The following SLC45A4 variants were observed in gnomAD, a reference collection of about 807,000 sequenced individuals.
The protein encoded by SLC45A4 is solute carrier family 45 member 4.
In SLC45A4, 32 loss-of-function variants were observed where a neutral mutation model predicts 63.7. That is an observed-to-expected ratio of 0.50 (90% CI 0.38 to 0.67). The LOEUF (loss-of-function observed/expected upper bound fraction) is 0.67, where lower values mean the gene tolerates loss of function less well. Ranked by LOEUF, SLC45A4 falls within the 30% of genes least tolerant of loss-of-function variation. The probability of loss-of-function intolerance (pLI) is 0.00; values close to 1 mark genes in which losing one functional copy is unlikely to be tolerated. For synonymous variants in SLC45A4, 535 were observed against 510.0 expected, an observed-to-expected ratio of 1.05 and a Z score of -0.66; for missense variants, 1,027 against 1,157.7, an observed-to-expected ratio of 0.89 and a Z score of 1.64.
intron 1 of SLC45A4, among the ~76,000 whole-genome samples, chr8:141,259,868 G>A (rs1828977326): frequency 1.3e-5 from 2 of 152,316 alleles, no homozygotes; most frequent in South Asian, 4.1e-4. Context: ...TTTGTTAAAT[G>A]AACAAATGAA....
rs1009107689 is a variant in SLC45A4, at chr8:141,254,802, T to C, written c.-400-173A>G. 1.7e-5 allele frequency: 10 copies of C among 586,828 alleles called. No homozygotes were observed. The highest frequency in any genetic ancestry group is 3.2e-5 in the Non-Finnish European group (10 of 313,076). The allele number at this position is 586,828 out of a possible 1,614,324, so 36.4% of individuals were successfully genotyped here. A position where few individuals can be genotyped will look rare whatever the true frequency, so the allele number is the denominator to read the frequency against. ...TCTGTGCAAATAACCAAACCTACTT[T>C]CTAGAAAAACATTTTCTCATACGAA... is the stretch of plus-strand genomic sequence containing the variant. On this transcript the variant is annotated intron_variant, in intron 1 of 8. Transcript: ENST00000517878. This position sits in a 1 kb window ranked among gnomAD's most constrained non-coding sequence, Gnocchi z 4.5.
chr8:141,296,246 G>A lies in SLC45A4; in HGVS notation c.-401+11850C>T, dbSNP rs149485912. On this transcript the variant is annotated intron_variant, in intron 1 of 8. Transcript: ENST00000517878. ...CTCAGGAGGCTGAGGCACGAGAATC[G>A]CTTCAATCCAGGAGGCAGAGGTTGC... is the stretch of plus-strand genomic sequence containing the variant. Among the ~76,000 whole-genome samples the A allele has an allele frequency of 3.4e-3, 513 of 152,126 alleles. 3 individuals are homozygous for A. The highest frequency in any genetic ancestry group is 0.012 in the African/African-American group (485 of 41,520).
In SLC45A4 at chr8:141,266,171, A is replaced by G. The variant is rs112855498; in HGVS notation, c.-400-11542T>C. ...AGCCATGCTTCCTGGGAAGCGGTCT[A>G]GCGAGTCCGGACAACACGCGTCCGC... On this transcript the variant is annotated intron_variant, in intron 1 of 8. Coordinates refer to ENST00000517878, the MANE Select transcript of SLC45A4 (RefSeq NM_001286646.2). Among the ~76,000 whole-genome samples the G allele has an allele frequency of 2.6e-5, 4 of 152,346 alleles. 1 individual carries two copies. The highest frequency in any genetic ancestry group is 9.6e-5 in the African/African-American group (4 of 41,586).
chr8:141,296,912 C>T (rs1480183041), intron 1 of SLC45A4, among the ~76,000 whole-genome samples: 2 of 147,980 alleles, frequency 1.4e-5, no homozygotes, highest in Non-Finnish European at 3.0e-5. Flanking sequence ...CAAGAAGGGG[C>T]GATGTTTGAA....
chr8:141,293,770 T>C (rs1480404978), intron 1 of SLC45A4, among the ~76,000 whole-genome samples: 1 of 151,742 alleles, frequency 6.6e-6, no homozygotes, highest in Non-Finnish European at 1.5e-5. Context: ...CCGTCTCTAC[T>C]AAAAGTACAA....
At chr8:141,233,674 G>A (rs1202255822) in intron 2 of SLC45A4, among the ~76,000 whole-genome samples, 1 of 152,086 alleles carries the variant, frequency 6.6e-6, no homozygotes, top group Non-Finnish European at 1.5e-5. Context: ...GCAACAGAGT[G>A]AGACTGTCTC....
At chr8:141,234,949 C>T (rs1164826364) in intron 2 of SLC45A4, among the ~76,000 whole-genome samples, 1 of 152,194 alleles carries the variant, frequency 6.6e-6, no homozygotes, top group Non-Finnish European at 1.5e-5. Context: ...AATGTGTGTC[C>T]CCGCGCTGGT....
chr8:141,286,630 G>GC (rs1487648919), intron 1 of SLC45A4, among the ~76,000 whole-genome samples: 2 of 151,730 alleles, frequency 1.3e-5, no homozygotes, highest in Non-Finnish European at 2.9e-5. Context: ...TTCAGAGCCT[G>GC]CCCCCCAGAA....
intron 1 of SLC45A4, among the ~76,000 whole-genome samples, chr8:141,299,540 G>A (rs1589867039): frequency 1.3e-5 from 2 of 152,232 alleles, no homozygotes; most frequent in East Asian, 1.9e-4. Context: ...CAGAGCGGCC[G>A]TGGCCGCAGC....
At chr8:141,281,973 G>A (rs969066971) in intron 1 of SLC45A4, among the ~76,000 whole-genome samples, 4 of 151,970 alleles carry the variant, frequency 2.6e-5, no homozygotes, top group African/African-American at 9.7e-5. Context: ...CGAGCTGCAC[G>A]GCACCTTTCC....
chr8:141,239,972 G>A (rs1000359459), intron 2 of SLC45A4, among the ~76,000 whole-genome samples: 1 of 152,208 alleles, frequency 6.6e-6, no homozygotes, highest in Non-Finnish European at 1.5e-5. Context: ...TGTGAGGCAG[G>A]CTTTTCAAGA....
chr8:141,223,299 C>T (rs914046539), intron 2 of SLC45A4, among the ~76,000 whole-genome samples: 12 of 152,208 alleles, frequency 7.9e-5, no homozygotes, highest in African/African-American at 2.7e-4. Context: ...GTATGTGACG[C>T]GTGTCCGCTG....
At chr8:141,282,434 T>C (rs1311253055) in intron 1 of SLC45A4, among the ~76,000 whole-genome samples, 1 of 152,148 alleles carries the variant, frequency 6.6e-6, no homozygotes, top group African/African-American at 2.4e-5. Context: ...CGGCCCCGCC[T>C]CCACCAAACT....
chr8:141,211,807 A>G, intron 8 of SLC45A4, 110 bp from the exon 9 acceptor site: 3 of 1,336,374 alleles, frequency 2.2e-6, no homozygotes, highest in Non-Finnish European at 2.9e-6. Context: ...TTTCAATTAT[A>G]ATTTTAGAAA....
chr8:141,265,387 T>C (rs1829224742), intron 1 of SLC45A4, among the ~76,000 whole-genome samples: 1 of 151,598 alleles, frequency 6.6e-6, no homozygotes, highest in Non-Finnish European at 1.5e-5. Context: ...AAGGGAGGAG[T>C]GTGCAGGGAG....
At chr8:141,270,268 T>C (rs1829464082) in intron 1 of SLC45A4, among the ~76,000 whole-genome samples, 1 of 151,658 alleles carries the variant, frequency 6.6e-6, no homozygotes. Context: ...GGCTCACCAC[T>C]ATAATCCTAG....
chr8:141,305,593 G>A (rs1478846785), intron 1 of SLC45A4, among the ~76,000 whole-genome samples: 1 of 152,176 alleles, frequency 6.6e-6, no homozygotes, highest in Non-Finnish European at 1.5e-5. Context: ...GAAGGGCACT[G>A]GCAATTTGGG....
chr8:141,236,179 C>A (rs12547430), intron 2 of SLC45A4, among the ~76,000 whole-genome samples: 9,141 of 152,290 alleles, frequency 0.06, 371 homozygotes, highest in Non-Finnish European at 0.091. Context: ...GCAGTGCCGA[C>A]TGTCCCTGAG....
intron 1 of SLC45A4, among the ~76,000 whole-genome samples, chr8:141,259,062 T>C (rs955603957): frequency 6.6e-6 from 1 of 152,062 alleles, no homozygotes; most frequent in Non-Finnish European, 1.5e-5. Context: ...ACATGGAAAG[T>C]CAGCTGCCTC....
Sources: gnomAD v4.1 joint callset for allele counts (sites outside exome capture counted in the v4.1 genomes callset) on GRCh38, gnomAD v4.1.1 for gene constraint, Gnocchi (gnomAD v3.1) non-coding constraint, MANE v1.5 for transcripts, NCBI Gene and HGNC (gene_info 2026-07-23, HGNC 2026-07-21) for gene names.